Variants in TLE4 observed in about 807,000 individuals in gnomAD.
TLE4 encodes transducin-like enhancer protein 4.
TLE4 carries 8 observed loss-of-function variants against 92.8 expected under a neutral mutation model. The observed-to-expected ratio is 0.09, with a 90% CI of 0.05 to 0.16. The LOEUF is 0.16. Ranked by LOEUF, TLE4 falls within the 10% of genes least tolerant of loss-of-function variation. The probability of loss-of-function intolerance (pLI) is 1.00; values close to 1 mark genes in which losing one functional copy is unlikely to be tolerated. For synonymous variants in TLE4, 371 were observed against 374.1 expected (o/e 0.99, Z 0.10); for missense variants, 675 against 997.6 (o/e 0.68, Z 4.36).
chr9:79,607,414 T>A (rs1564342295), intron 4 of TLE4, among the ~76,000 whole-genome samples: 1 of 152,210 alleles, frequency 6.6e-6, no homozygotes, highest in Non-Finnish European at 1.5e-5. Flanking sequence ...CTGTTGCCAT[T>A]GCTTTTGGTG....
chr9:79,638,514 T>A (rs1282409241), intron 6 of TLE4, among the ~76,000 whole-genome samples: 5 of 152,142 alleles, frequency 3.3e-5, no homozygotes, highest in Non-Finnish European at 7.4e-5. Context: ...AAGGCAGCTC[T>A]ATAGCTAGTC....
intron 6 of TLE4, among the ~76,000 whole-genome samples, chr9:79,643,518 TCA>T (rs1436074807): frequency 2.0e-5 from 3 of 152,218 alleles, no homozygotes; most frequent in Non-Finnish European, 4.4e-5. Context: ...CTTCTTTAAA[TCA>T]CAGTGTCCGA....
At chr9:79,685,974 G>GA (rs1394894137) in intron 8 of TLE4, among the ~76,000 whole-genome samples, 2 of 150,706 alleles carry the variant, frequency 1.3e-5, no homozygotes, top group East Asian at 1.9e-4. Context: ...AAAGTATTTG[G>GA]AAAAAAAATA....
intron 8 of TLE4, among the ~76,000 whole-genome samples, chr9:79,673,368 T>C (rs968276986): frequency 6.6e-6 from 1 of 152,212 alleles, no homozygotes; most frequent in Non-Finnish European, 1.5e-5. Flanking sequence ...GGTCCACTTA[T>C]TTAAAACAAT....
At chr9:79,674,242 G>T (rs2062875613) in intron 8 of TLE4, among the ~76,000 whole-genome samples, 2 of 152,116 alleles carry the variant, frequency 1.3e-5, no homozygotes, top group Admixed American at 6.6e-5. Context: ...AGCACTGTGG[G>T]TGCATATACT....
At chr9:79,712,186 C>T (rs1164076824) in intron 14 of TLE4, among the ~76,000 whole-genome samples, 1 of 152,156 alleles carries the variant, frequency 6.6e-6, no homozygotes, top group African/African-American at 2.4e-5. Flanking sequence ...TCAGCTTTGT[C>T]CCAGCATATT....
At chr9:79,717,676 T>G (rs892181302) in intron 14 of TLE4, among the ~76,000 whole-genome samples, 1 of 152,216 alleles carries the variant, frequency 6.6e-6, no homozygotes, top group Non-Finnish European at 1.5e-5. Context: ...ATTCTACAAC[T>G]TCCGCAGTTT....
chr9:79,669,026 A>G (rs975414059), intron 8 of TLE4, among the ~76,000 whole-genome samples: 1 of 152,174 alleles, frequency 6.6e-6, no homozygotes, highest in African/African-American at 2.4e-5. Context: ...TTCATTTTGC[A>G]TTTAGGCTTC....
At chr9:79,678,727 C>T (rs998747209) in intron 8 of TLE4, among the ~76,000 whole-genome samples, 1 of 151,724 alleles carries the variant, frequency 6.6e-6, no homozygotes, top group African/African-American at 2.4e-5. Flanking sequence ...TCCATTAACT[C>T]GTCATTTATC....
At chr9:79,717,785 C>G (rs1447783867) in intron 14 of TLE4, among the ~76,000 whole-genome samples, 1 of 152,168 alleles carries the variant, frequency 6.6e-6, no homozygotes, top group East Asian at 1.9e-4. Context: ...AAGCTCCGTG[C>G]CCAAGTAGAG....
intron 4 of TLE4, among the ~76,000 whole-genome samples, chr9:79,582,206 C>T (rs2039862879): frequency 6.6e-6 from 1 of 152,134 alleles, no homozygotes; most frequent in Non-Finnish European, 1.5e-5. Flanking sequence ...TGCAGGAAAT[C>T]ACACAACTCA....
chr9:79,643,118 C>A (rs889914680), intron 6 of TLE4, among the ~76,000 whole-genome samples: 27 of 152,158 alleles, frequency 1.8e-4, no homozygotes, highest in Admixed American at 5.9e-4. Flanking sequence ...ATCTTATTTT[C>A]CCAGCCTCTA....
chr9:79,586,361 CAA>C (rs796367203), intron 4 of TLE4, among the ~76,000 whole-genome samples: 8 of 107,634 alleles, frequency 7.4e-5, no homozygotes, highest in Admixed American at 1.9e-4. Context: ...GACTCTGTCA[CAA>C]AAAAAAAAAA....
intron 8 of TLE4, among the ~76,000 whole-genome samples, chr9:79,681,428 A>C (rs2064555969): frequency 1.3e-5 from 2 of 152,170 alleles, no homozygotes; most frequent in African/African-American, 4.8e-5. Flanking sequence ...AGAGCTCTTC[A>C]CATACATTGT....
Position 79,725,559 on chromosome 9 carries a change from A to G in TLE4, c.*415A>G. 1 of 164,500 alleles carries G rather than the reference A, an allele frequency of 6.1e-6. No individual in the cohort carries two copies. The highest frequency in any genetic ancestry group is 1.3e-5 in the Non-Finnish European group (1 of 75,402). The allele number at this position is 164,500 out of a possible 1,614,324, so 10.2% of individuals were successfully genotyped here. A position where few individuals can be genotyped will look rare whatever the true frequency, so the allele number is the denominator to read the frequency against. ...TTTTTTTGGCAAAGGAGGGGAAAGGAAGGTTTAAAATAATTGATTTAAAAT... is the reference window on the plus strand; with the variant it reads ...TTTTTTTGGCAAAGGAGGGGAAAGGGAGGTTTAAAATAATTGATTTAAAAT... On this transcript the variant is annotated 3_prime_UTR_variant, in exon 20 of 20. Coordinates refer to ENST00000376552, the MANE Select transcript of TLE4 (RefSeq NM_007005.6).
chr9:79,603,407 A>G (rs933073551), intron 4 of TLE4, among the ~76,000 whole-genome samples: 1 of 152,170 alleles, frequency 6.6e-6, no homozygotes, highest in African/African-American at 2.4e-5. Context: ...AGCCATCAGT[A>G]TTGAGCCAAA....
chr9:79,633,015 A>G (rs2054719075), intron 6 of TLE4, among the ~76,000 whole-genome samples: 1 of 152,054 alleles, frequency 6.6e-6, no homozygotes, highest in Non-Finnish European at 1.5e-5. Flanking sequence ...TTTCTTCTTT[A>G]TCTTCTGTGG....
At chr9:79,719,517 C>T (rs2075225747) in intron 15 of TLE4, among the ~76,000 whole-genome samples, 1 of 152,094 alleles carries the variant, frequency 6.6e-6, no homozygotes, top group African/African-American at 2.4e-5. Context: ...ACTTAACACT[C>T]CATGATCAAG....
At chr9:79,652,141 A>T (rs1564654689) in intron 6 of TLE4, among the ~76,000 whole-genome samples, 3 of 152,144 alleles carry the variant, frequency 2.0e-5, no homozygotes, top group Admixed American at 1.3e-4. Flanking sequence ...CCCTTTTAAA[A>T]ATATATATAT....
Sources: gnomAD v4.1 joint callset for allele counts (sites outside exome capture counted in the v4.1 genomes callset) on GRCh38, gnomAD v4.1.1 for gene constraint, MANE v1.5 for transcripts, NCBI Gene and HGNC (gene_info 2026-07-23, HGNC 2026-07-21) for gene names.